MYLK: variants seen among roughly 807,000 people sequenced by gnomAD.
MYLK encodes the protein myosin light chain kinase, smooth muscle.
A neutral mutation model predicts 203.4 loss-of-function variants in MYLK; 106 were observed. The observed-to-expected ratio is 0.52, with a 90% CI of 0.45 to 0.61. The LOEUF (loss-of-function observed/expected upper bound fraction) is 0.61, where lower values mean the gene tolerates loss of function less well. Ranked by LOEUF, MYLK falls within the 20% of genes least tolerant of loss-of-function variation. The pLI, the probability that MYLK is intolerant of heterozygous loss-of-function variation, is 0.00. For missense variants in MYLK, 2,072 were observed against 2,442.3 expected (o/e 0.85, Z 3.20); for synonymous variants, 867 against 959.5 (o/e 0.90, Z 1.78).
intron 1 of MYLK, among the ~76,000 whole-genome samples, chr3:123,881,799 G>A (rs1170223834): frequency 6.6e-6 from 1 of 152,128 alleles, no homozygotes; most frequent in Non-Finnish European, 1.5e-5. Context: ...CTATGCCTCT[G>A]AGACCAGCAA....
At chr3:123,768,268 T>A (rs373192511) in intron 4 of MYLK, among the ~76,000 whole-genome samples, 2 of 152,218 alleles carry the variant, frequency 1.3e-5, no homozygotes, top group African/African-American at 4.8e-5. Context: ...CTTTCCAAGC[T>A]TGGTGTTTTT....
intron 2 of MYLK, among the ~76,000 whole-genome samples, chr3:123,854,825 A>C (rs1437856550): frequency 6.6e-6 from 1 of 152,158 alleles, no homozygotes; most frequent in Non-Finnish European, 1.5e-5. Flanking sequence ...CTTTGTATTT[A>C]TATTCTTGGT....
chr3:123,638,916 CTT>C (rs2108097138), intron 28 of MYLK: 1 of 985,474 alleles, frequency 1.0e-6, no homozygotes, highest in South Asian at 4.7e-5. Flanking sequence ...TCTTGCTTAA[CTT>C]CGCAGAGCTC....
chr3:123,816,196 T>C (rs1190823712), intron 3 of MYLK, among the ~76,000 whole-genome samples: 2 of 152,272 alleles, frequency 1.3e-5, no homozygotes, highest in Non-Finnish European at 2.9e-5. Flanking sequence ...TATGTATGTA[T>C]GGCATATGTA....
intron 2 of MYLK, among the ~76,000 whole-genome samples, chr3:123,833,429 C>T (rs1302469481): frequency 6.6e-6 from 1 of 152,146 alleles, no homozygotes; most frequent in Non-Finnish European, 1.5e-5. Context: ...CCAGTGAGCA[C>T]ACCTGGCCCT....
intron 4 of MYLK, among the ~76,000 whole-genome samples, chr3:123,765,082 C>A (rs559883151): frequency 6.6e-6 from 1 of 152,110 alleles, no homozygotes; most frequent in Non-Finnish European, 1.5e-5. Flanking sequence ...CAAGTATGGG[C>A]AAAGACGTGG....
At chr3:123,660,959 T>A (rs1376545176) in intron 23 of MYLK, among the ~76,000 whole-genome samples, 1 of 152,218 alleles carries the variant, frequency 6.6e-6, no homozygotes, top group Admixed American at 6.5e-5. Context: ...GCTGTATCCA[T>A]CAATGTGAGT....
rs1252115631 is a variant in MYLK, at chr3:123,612,675, A to AGAT, written c.*1427_*1429dup. On this transcript the variant is annotated 3_prime_UTR_variant, in exon 34 of 34. Transcript: ENST00000360304. ...AAAAAGCAGATAAAAATAGAATGGAAGATAACATAAGACTAATATCAAAAT... is the reference window on the plus strand; with the variant it reads ...AAAAAGCAGATAAAAATAGAATGGAAGATGATAACATAAGACTAATATCAAAAT... 3.9e-5 allele frequency: 6 copies of AGAT among 152,672 alleles called. No homozygotes were observed. The allele number at this position is 152,672 out of a possible 1,614,324, so 9.5% of individuals were successfully genotyped here.
Position 123,620,186 on chromosome 3 carries a change from GCTGGAGAAA to G in MYLK, c.5368+12_5368+20del. 1 of 1,584,584 alleles carries G rather than the reference GCTGGAGAAA, an allele frequency of 6.3e-7. No individual in the cohort carries two copies. The highest frequency in any genetic ancestry group is 8.7e-7 in the Non-Finnish European group (1 of 1,154,210). On this transcript the variant is annotated intron_variant, in intron 32 of 33. Coordinates refer to ENST00000360304, the MANE Select transcript of MYLK (RefSeq NM_053025.4). ...CCAGCCCTTTCTTTCTCACCAGCTG[GCTGGAGAAA>G]CTCCTCCTTACCTTCAGATTCTAGT... is the stretch of plus-strand genomic sequence containing the variant.
chr3:123,709,534 C>T, intron 14 of MYLK: 1 of 625,510 alleles, frequency 1.6e-6, no homozygotes. Flanking sequence ...GCTCTATGGC[C>T]ATCTTCTTCC....
chr3:123,647,539 G>A lies in MYLK; in HGVS notation c.4416-112C>T, dbSNP rs1312078480. ...AGATCTGGCCCACCTCCTTTTATAAGTAAGGTGTTACTGGAGCACAGCCCT... is the reference window on the plus strand; with the variant it reads ...AGATCTGGCCCACCTCCTTTTATAAATAAGGTGTTACTGGAGCACAGCCCT... On this transcript the variant is annotated intron_variant, in intron 26 of 33. Transcript: ENST00000360304. 4 of 904,854 alleles carry A rather than the reference G, an allele frequency of 4.4e-6. No individual in the cohort carries two copies. In the Admixed American group the frequency reaches 7.6e-5, roughly 17 times the overall value. 56.1% of individuals were successfully genotyped at this position (904,854 alleles called of 1,614,324 possible).
intron 4 of MYLK, among the ~76,000 whole-genome samples, chr3:123,764,512 G>A (rs145212905): frequency 5.3e-5 from 8 of 152,212 alleles, no homozygotes; most frequent in Non-Finnish European, 2.9e-5. Flanking sequence ...CCAGCATTTA[G>A]TACACTGAGT....
In MYLK at chr3:123,884,243, C is replaced by T. The variant is rs1227769020; in HGVS notation, c.-223G>A. On this transcript the variant is annotated 5_prime_UTR_variant, in exon 1 of 34. Coordinates refer to ENST00000360304, the MANE Select transcript of MYLK (RefSeq NM_053025.4). ...GGCGGCCCGGGAGCCGGGGCACCGG[C>T]GCTCGGCGGGGCGCCCCGGCCGCAG... The T allele has an allele frequency of 6.0e-5, 9 of 149,692 alleles. No individual in the cohort carries two copies. Among genetic ancestry groups the T allele is most frequent in the Admixed American group, 6.0e-4 (9 of 15,024 alleles). 9.3% of individuals were successfully genotyped at this position (149,692 alleles called of 1,614,324 possible).
In MYLK at chr3:123,708,894, C is replaced by A; in HGVS notation, c.1944G>T (p.Gly648=). 5.6e-6 allele frequency: 9 copies of A among 1,613,746 alleles called. No individual in the cohort carries two copies. Among genetic ancestry groups the A allele is most frequent in the Non-Finnish European group, 7.6e-6 (9 of 1,179,698 alleles). ...GCCAGATGACTTCAGGGGGTGGATT[C>A]CCTGAACCAGGAGGAGGGGAAGGGG... ...SQVTMTVQVS[G]NPPPEVIWLH... The change falls in exon 15 of 34, where the codon GGG becomes GGT. Residue 648 remains glycine (G), a splice_region_variant and synonymous_variant. Transcript: ENST00000360304.
In MYLK at chr3:123,793,747, G is replaced by A. The variant is rs2064877993; in HGVS notation, c.95C>T (p.Ala32Val). The change falls in exon 4 of 34, where the codon GCC (alanine) becomes GTC (valine). Residue 32 changes from alanine (A) to valine (V), a missense_variant. Around this residue, in one of 3 missense-constraint regions of MYLK, gnomAD observed 683 missense variants for 643.8 expected, o/e 1.06. Transcript: ENST00000360304. Reference protein sequence around the residue: ...SRVDSMPLTEAPAFILPPRNL... With the variant: ...SRVDSMPLTEVPAFILPPRNL... The stretch of plus-strand genomic sequence containing the variant: ...CCGAGGGGGCAAAATGAAAGCAGGG[G>A]CCTCTGTCAGGGGCATGGAGTCAAC... The A allele has an allele frequency of 6.2e-7, 1 of 1,614,202 alleles. No individual in the cohort carries two copies. The highest frequency in any genetic ancestry group is 1.3e-5 in the African/African-American group (1 of 75,050).
At chr3:123,833,236 A>G (rs1464046325) in intron 2 of MYLK, among the ~76,000 whole-genome samples, 1 of 152,148 alleles carries the variant, frequency 6.6e-6, no homozygotes, top group Non-Finnish European at 1.5e-5. Flanking sequence ...AGGTGTTTCT[A>G]TAAGGAATGG....
chr3:123,767,876 A>T (rs192838962), intron 4 of MYLK, among the ~76,000 whole-genome samples: 29 of 152,324 alleles, frequency 1.9e-4, no homozygotes, highest in Admixed American at 1.6e-3. Context: ...TTGTGTTGTT[A>T]AAAGGGCCAG....
intron 22 of MYLK, among the ~76,000 whole-genome samples, chr3:123,665,368 T>C (rs182699129): frequency 6.6e-6 from 1 of 152,336 alleles, no homozygotes; most frequent in East Asian, 1.9e-4. Context: ...ACAACAGTAG[T>C]CCAGATGTCG....
chr3:123,871,928 A>T (rs1188342094), intron 2 of MYLK, among the ~76,000 whole-genome samples: 2 of 84,924 alleles, frequency 2.4e-5, no homozygotes, highest in African/African-American at 7.6e-5. Context: ...ATATAAAAAG[A>T]TTAATAATAT....
Sources: gnomAD v4.1 joint callset for allele counts (sites outside exome capture counted in the v4.1 genomes callset) on GRCh38, gnomAD v4.1.1 for gene constraint, gnomAD v4.1.1 regional missense constraint, MANE v1.5 for transcripts, NCBI Gene and HGNC (gene_info 2026-07-23, HGNC 2026-07-21) for gene names.